The following TMSB15B variants were observed in gnomAD, a reference collection of about 807,000 sequenced individuals.
TMSB15B encodes thymosin beta 15B.
chrX:103,944,864 C>T (rs1402780648), intron 1 of TMSB15B, among the ~76,000 whole-genome samples: 7 of 111,950 alleles, frequency 6.3e-5, no homozygotes, highest in African/African-American at 2.3e-4. Flanking sequence ...TGTGATCTCA[C>T]CTCCCCTGGG....
chrX:103,943,277 A>G (rs188903075), intron 1 of TMSB15B, among the ~76,000 whole-genome samples: 1 of 111,934 alleles, frequency 8.9e-6, no homozygotes, highest in African/African-American at 3.2e-5. Flanking sequence ...CACAAAGGAT[A>G]CTATCATATA....
At chrX:103,947,321 C>G (rs1175853224) in intron 1 of TMSB15B, among the ~76,000 whole-genome samples, 7 of 111,105 alleles carry the variant, frequency 6.3e-5, no homozygotes, top group African/African-American at 2.3e-4. Flanking sequence ...AGAGGCAAAA[C>G]TAATAATCAG....
chrX:103,935,741 C>G (rs2074995881), intron 1 of TMSB15B, among the ~76,000 whole-genome samples: 1 of 110,611 alleles, frequency 9.0e-6, no homozygotes, highest in Admixed American at 9.7e-5. Context: ...GTTACTGTGG[C>G]CTCGTAGTAT....
chrX:103,945,163 T>C (rs1361713878), intron 1 of TMSB15B, among the ~76,000 whole-genome samples: 3 of 113,026 alleles, frequency 2.7e-5, no homozygotes, highest in Non-Finnish European at 5.6e-5. Flanking sequence ...GCACTTTATT[T>C]ACAATTGTAT....
At chrX:103,940,218 C>T (rs1556323801) in intron 1 of TMSB15B, among the ~76,000 whole-genome samples, 1 of 112,442 alleles carries the variant, frequency 8.9e-6, no homozygotes, top group Non-Finnish European at 1.9e-5. Flanking sequence ...TCAGATCCAG[C>T]AGGCAGGAAT....
At chrX:103,922,300 T>C (rs1251633088) in intron 1 of TMSB15B, among the ~76,000 whole-genome samples, 2 of 108,862 alleles carry the variant, frequency 1.8e-5, no homozygotes, top group African/African-American at 6.7e-5. Context: ...GTTGGTGTGC[T>C]GCACCCATTA....
intron 1 of TMSB15B, among the ~76,000 whole-genome samples, chrX:103,936,559 G>A (rs1162460176): frequency 1.8e-5 from 2 of 111,878 alleles, no homozygotes; most frequent in Non-Finnish European, 3.8e-5. Flanking sequence ...TGAGACCATG[G>A]GGTTTCTAAA....
chrX:103,950,459 T>C (rs1302897190), intron 1 of TMSB15B, among the ~76,000 whole-genome samples: 8 of 110,139 alleles, frequency 7.3e-5, no homozygotes, highest in Non-Finnish European at 1.3e-4. Context: ...GTAGAAGGCC[T>C]AAGGGAATGT....
chrX:103,942,242 G>A (rs1320515232), intron 1 of TMSB15B, among the ~76,000 whole-genome samples: 1 of 111,364 alleles, frequency 9.0e-6, no homozygotes, highest in African/African-American at 3.3e-5. Context: ...AATTTTTATG[G>A]TTTTGACTTT....
chrX:103,930,744 A>G (rs1293368836), intron 1 of TMSB15B, among the ~76,000 whole-genome samples: 2 of 105,593 alleles, frequency 1.9e-5, no homozygotes, highest in African/African-American at 6.9e-5. Context: ...AATAATAATA[A>G]TAATAATAAT....
intron 1 of TMSB15B, among the ~76,000 whole-genome samples, chrX:103,944,439 T>C (rs1240059328): frequency 8.9e-6 from 1 of 112,519 alleles, no homozygotes; most frequent in Non-Finnish European, 1.9e-5. Flanking sequence ...TTCTTAGTCA[T>C]TGTGCTATAG....
At chrX:103,919,960 G>C (rs1412313859) in intron 1 of TMSB15B, among the ~76,000 whole-genome samples, 1 of 111,740 alleles carries the variant, frequency 8.9e-6, no homozygotes, top group Admixed American at 9.5e-5. Flanking sequence ...ATAGTGCTGA[G>C]GGAGGGGGTG....
intron 1 of TMSB15B, among the ~76,000 whole-genome samples, chrX:103,929,661 G>T (rs1436071672): frequency 3.6e-5 from 4 of 111,133 alleles, no homozygotes; most frequent in Non-Finnish European, 7.5e-5. Context: ...GGATGGAAAT[G>T]ATAAAACTTT....
chrX:103,934,925 C>T (rs1460838271), intron 1 of TMSB15B, among the ~76,000 whole-genome samples: 1 of 112,024 alleles, frequency 8.9e-6, no homozygotes, highest in Non-Finnish European at 1.9e-5. Flanking sequence ...TACTTTCTTC[C>T]ACAATGGTTG....
intron 1 of TMSB15B, among the ~76,000 whole-genome samples, chrX:103,946,215 G>A (rs1459745787): frequency 6.2e-5 from 7 of 112,115 alleles, no homozygotes; most frequent in African/African-American, 1.9e-4. Flanking sequence ...AATGATGGAT[G>A]GCTGCACAGT....
At chrX:103,937,941 A>C (rs781878914) in intron 1 of TMSB15B, among the ~76,000 whole-genome samples, 2 of 111,929 alleles carry the variant, frequency 1.8e-5, no homozygotes, top group Non-Finnish European at 3.8e-5. Flanking sequence ...GTAGTCATTC[A>C]GGAGCAGGTT....
intron 1 of TMSB15B, among the ~76,000 whole-genome samples, chrX:103,950,598 T>C (rs1237967811): frequency 9.2e-6 from 1 of 109,136 alleles, no homozygotes; most frequent in Non-Finnish European, 1.9e-5. Flanking sequence ...GGTGGGAAAG[T>C]GGAGCCAAGA....
intron 1 of TMSB15B, among the ~76,000 whole-genome samples, chrX:103,949,443 G>A (rs782752763): frequency 8.9e-6 from 1 of 112,134 alleles, no homozygotes; most frequent in Non-Finnish European, 1.9e-5. Context: ...TCAACCTTAC[G>A]TGTACCAATG....
At chrX:103,945,657 A>T in intron 1 of TMSB15B, among the ~76,000 whole-genome samples, 1 of 112,100 alleles carries the variant, frequency 8.9e-6, no homozygotes, top group Non-Finnish European at 1.9e-5. Context: ...AATCATAACA[A>T]TGCTCAATAA....
Sources: allele counts gnomAD v4.1 joint callset (sites outside exome capture counted in the v4.1 genomes callset), GRCh38; gene constraint gnomAD v4.1.1; transcripts MANE v1.5; gene names NCBI Gene and HGNC (gene_info 2026-07-23, HGNC 2026-07-21).